The following KCTD8 variants were observed in gnomAD, a reference collection of about 807,000 sequenced individuals.
The protein encoded by KCTD8 is potassium channel tetramerization domain containing 8.
KCTD8 carries 27 observed loss-of-function variants against 31.5 expected under a neutral mutation model. That is an observed-to-expected ratio of 0.86 (90% confidence interval 0.63 to 1.18). The LOEUF is 1.18. KCTD8 is among the 50% of genes most tolerant of loss of function. KCTD8 has a pLI of 0.00. For synonymous variants in KCTD8, 290 were observed against 280.0 expected, an observed-to-expected ratio of 1.04 and a Z score of -0.36; for missense variants, 658 against 647.7, an observed-to-expected ratio of 1.02 and a Z score of -0.17.
intron 1 of KCTD8, among the ~76,000 whole-genome samples, chr4:44,349,565 G>C (rs893149851): frequency 2.6e-5 from 4 of 152,144 alleles, no homozygotes; most frequent in African/African-American, 9.7e-5. Flanking sequence ...AGGACTAGAA[G>C]CTGTCCACTA....
rs1718168287 is a variant in KCTD8, at chr4:44,317,425, G to C, written c.961+130138C>G. Among the ~76,000 whole-genome samples the C allele has an allele frequency of 1.4e-5, 2 of 141,998 alleles. 1 individual carries two copies. The highest frequency in any genetic ancestry group is 5.9e-5 in the African/African-American group (2 of 33,774). 93.2% of individuals were successfully genotyped at this position (141,998 alleles called of 152,430 possible). ...CGGCTAATTTTTTGTATTTTTAGTA[G>C]AGACGGGGTTTCACCTTGTTAGCCA... On this transcript the variant is annotated intron_variant, in intron 1 of 1. Coordinates refer to ENST00000360029, the MANE Select transcript of KCTD8 (RefSeq NM_198353.3).
intron 1 of KCTD8, among the ~76,000 whole-genome samples, chr4:44,306,989 A>T (rs1362979351): frequency 6.6e-6 from 1 of 152,118 alleles, no homozygotes; most frequent in East Asian, 1.9e-4. Context: ...GGACATTTTG[A>T]CCTGAGAAAG....
At chr4:44,229,487 C>T (rs1040813232) in intron 1 of KCTD8, among the ~76,000 whole-genome samples, 5 of 152,188 alleles carry the variant, frequency 3.3e-5, no homozygotes, top group African/African-American at 1.2e-4. Context: ...ACACACTGCA[C>T]TTGCTCACTT....
chr4:44,220,568 T>C (rs1161971611), intron 1 of KCTD8, among the ~76,000 whole-genome samples: 2 of 152,186 alleles, frequency 1.3e-5, no homozygotes, highest in Non-Finnish European at 2.9e-5. Context: ...AGGAGCATTA[T>C]GATTTTGACC....
intron 1 of KCTD8, among the ~76,000 whole-genome samples, chr4:44,210,374 G>A (rs1714445973): frequency 6.6e-6 from 1 of 152,028 alleles, no homozygotes; most frequent in African/African-American, 2.4e-5. Flanking sequence ...TAGTATTTTT[G>A]AAAGCAAGAA....
intron 1 of KCTD8, among the ~76,000 whole-genome samples, chr4:44,359,491 A>G (rs1456724639): frequency 1.3e-5 from 2 of 152,200 alleles, no homozygotes. Flanking sequence ...TACCTTAGCG[A>G]CAGAGAAGGA....
At chr4:44,273,570 T>G (rs1200890674) in intron 1 of KCTD8, among the ~76,000 whole-genome samples, 2 of 151,650 alleles carry the variant, frequency 1.3e-5, no homozygotes, top group Non-Finnish European at 2.9e-5. Flanking sequence ...GGGAAAGGAG[T>G]CAATTTTCCT....
chr4:44,179,801 T>G (rs1236091878), intron 1 of KCTD8, among the ~76,000 whole-genome samples: 3 of 152,098 alleles, frequency 2.0e-5, no homozygotes, highest in Non-Finnish European at 2.9e-5. Context: ...TATTGATAAC[T>G]TAGTAGATTT....
At chr4:44,365,569 A>G (rs1577638231) in intron 1 of KCTD8, among the ~76,000 whole-genome samples, 2 of 152,326 alleles carry the variant, frequency 1.3e-5, no homozygotes, top group East Asian at 3.9e-4. Flanking sequence ...GTCAAAAGGT[A>G]TCACCTGTAA....
chr4:44,416,515 T>C (rs1044630229), intron 1 of KCTD8, among the ~76,000 whole-genome samples: 1 of 152,074 alleles, frequency 6.6e-6, no homozygotes, highest in Non-Finnish European at 1.5e-5. Context: ...CGGGACCTAG[T>C]GGTAGGTATT....
chr4:44,294,580 G>GA (rs1257971780), intron 1 of KCTD8, among the ~76,000 whole-genome samples: 3 of 152,020 alleles, frequency 2.0e-5, no homozygotes, highest in East Asian at 1.9e-4. Flanking sequence ...CATGAAAACT[G>GA]AAAAAAATTT....
At chr4:44,206,379 C>A (rs965017252) in intron 1 of KCTD8, among the ~76,000 whole-genome samples, 1 of 152,152 alleles carries the variant, frequency 6.6e-6, no homozygotes, top group Non-Finnish European at 1.5e-5. Context: ...TGATATCTAT[C>A]CACTTGACTC....
chr4:44,312,606 T>C (rs1034578863), intron 1 of KCTD8, among the ~76,000 whole-genome samples: 2 of 152,174 alleles, frequency 1.3e-5, no homozygotes, highest in Admixed American at 1.3e-4. Flanking sequence ...TACATAGATA[T>C]ATGAAAAAAG....
chr4:44,413,237 T>C (rs1157533146), intron 1 of KCTD8, among the ~76,000 whole-genome samples: 1 of 152,168 alleles, frequency 6.6e-6, no homozygotes, highest in Non-Finnish European at 1.5e-5. Context: ...CATCAGTACA[T>C]CTAAATGAGG....
chr4:44,430,919 T>C (rs2109477298), intron 1 of KCTD8, among the ~76,000 whole-genome samples: 1 of 151,652 alleles, frequency 6.6e-6, no homozygotes, highest in African/African-American at 2.4e-5. Context: ...TCTCTTTCTT[T>C]TTTTTTTCTT....
chr4:44,271,913 GTGT>G (rs1716618680), intron 1 of KCTD8, among the ~76,000 whole-genome samples: 3 of 152,028 alleles, frequency 2.0e-5, no homozygotes, highest in Admixed American at 1.3e-4. Context: ...CTATATTTCT[GTGT>G]GTGTGTCTTT....
intron 1 of KCTD8, among the ~76,000 whole-genome samples, chr4:44,446,929 G>C (rs377448110): frequency 6.6e-6 from 1 of 152,120 alleles, no homozygotes; most frequent in Non-Finnish European, 1.5e-5. Context: ...GGAAATCTGG[G>C]TTTCCATCTG....
chr4:44,188,244 G>T (rs976730523), intron 1 of KCTD8, among the ~76,000 whole-genome samples: 2 of 152,098 alleles, frequency 1.3e-5, no homozygotes, highest in Non-Finnish European at 2.9e-5. Context: ...ATAAAAGTGT[G>T]CCTGTTAAGG....
intron 1 of KCTD8, among the ~76,000 whole-genome samples, chr4:44,312,828 C>G (rs982695357): frequency 1.3e-5 from 2 of 152,082 alleles, no homozygotes; most frequent in African/African-American, 4.8e-5. Flanking sequence ...AACAGCCCGG[C>G]AATGAACTAG....
Sources: allele counts gnomAD v4.1 joint callset (sites outside exome capture counted in the v4.1 genomes callset), GRCh38; gene constraint gnomAD v4.1.1; transcripts MANE v1.5; gene names NCBI Gene and HGNC (gene_info 2026-07-23, HGNC 2026-07-21).